The following CLIP1 variants were observed in gnomAD, a reference collection of about 807,000 sequenced individuals.
CLIP1 encodes the protein CAP-Gly domain-containing linker protein 1.
Under a neutral mutation model 161.6 loss-of-function variants are expected in CLIP1, and 66 were observed. The ratio of observed to expected loss-of-function variants is 0.41; its 90% CI spans 0.33 to 0.50. The LOEUF is 0.50. Ranked by LOEUF, CLIP1 falls within the 20% of genes least tolerant of loss-of-function variation. CLIP1 has a pLI of 0.27. For missense variants in CLIP1, 1,376 were observed against 1,702.0 expected, an observed-to-expected ratio of 0.81 and a Z score of 3.37; for synonymous variants, 598 against 626.2, an observed-to-expected ratio of 0.96 and a Z score of 0.67.
In CLIP1 at chr12:122,311,306, C is replaced by G. The variant is rs1951053966; in HGVS notation, c.3474-1424G>C. ...CCTGTCAAAGTGCTACGCTTATACT[C>G]CTGTTCCTTCTCTCTCAAGCCCACA... On this transcript the variant is annotated intron_variant, in intron 19 of 25. Transcript: ENST00000620786. The surrounding 1 kb of genome is among the most constrained non-coding windows in gnomAD (Gnocchi z 4.3). 6.6e-6 allele frequency among the ~76,000 whole-genome samples: 1 copy of G among 152,100 alleles called. No individual in the cohort carries two copies. Among genetic ancestry groups the G allele is most frequent in the African/African-American group, 2.4e-5 (1 of 41,400 alleles).
intron 20 of CLIP1, among the ~76,000 whole-genome samples, chr12:122,304,154 A>C (rs1950785331): frequency 6.6e-6 from 1 of 152,126 alleles, no homozygotes; most frequent in African/African-American, 2.4e-5. Context: ...GCAAAGGGGC[A>C]TTGAGCCTCA....
intron 18 of CLIP1, among the ~76,000 whole-genome samples, chr12:122,317,630 C>T (rs1004895844): frequency 2.0e-5 from 3 of 152,192 alleles, no homozygotes; most frequent in Non-Finnish European, 4.4e-5. Flanking sequence ...CTCAAGGTGG[C>T]TCCTGGGGCC....
rs1955192463 is a variant in CLIP1, at chr12:122,271,738, T to TA, written c.*1136dup. ...AGATAAATAGATTCAAACTGGTCGA[T>TA]AAACTGTTCAGGTGCTTTGAGGTCC... On this transcript the variant is annotated 3_prime_UTR_variant, in exon 26 of 26. Transcript: ENST00000620786. 6.6e-6 allele frequency: 1 copy of TA among 152,666 alleles called. No individual in the cohort carries two copies. The highest frequency in any genetic ancestry group is 1.5e-5 in the Non-Finnish European group (1 of 68,050). 9.5% of individuals were successfully genotyped at this position (152,666 alleles called of 1,614,324 possible).
intron 15 of CLIP1, among the ~76,000 whole-genome samples, chr12:122,330,617 T>TTTTTTTTTTTTTTTTTTG (rs1951911217): frequency 6.8e-6 from 1 of 147,750 alleles, no homozygotes; most frequent in African/African-American, 2.5e-5. Flanking sequence ...TTTTTTTTTT[T>TTTTTTTTTTTTTTTTTTG]GAGATGGAGT....
At chr12:122,407,721 A>C (rs1215466857) in intron 1 of CLIP1, among the ~76,000 whole-genome samples, 6 of 110,156 alleles carry the variant, frequency 5.4e-5, no homozygotes, top group Non-Finnish European at 1.0e-4. Context: ...ACGTGCTACA[A>C]GGAGGGTTTT....
intron 1 of CLIP1, among the ~76,000 whole-genome samples, chr12:122,384,803 TTTC>T (rs1955172702): frequency 6.7e-6 from 1 of 150,368 alleles, no homozygotes; most frequent in Non-Finnish European, 1.5e-5. Flanking sequence ...TTCTCTCCAG[TTTC>T]TTTTTTTTTT....
intron 3 of CLIP1, among the ~76,000 whole-genome samples, chr12:122,376,674 A>G (rs1055297984): frequency 1.2e-4 from 18 of 151,556 alleles, no homozygotes; most frequent in Non-Finnish European, 2.7e-4. Context: ...GTTTCACCGC[A>G]TTAGCCAGGA....
In CLIP1 at chr12:122,380,425, T is replaced by G; in HGVS notation, c.28A>C (p.Lys10Gln). The change falls in exon 2 of 26, where the codon AAG becomes CAG. Residue 10 changes from lysine (K) to glutamine (Q), a missense_variant. Physicochemically the swap from Lys to Gln is moderately conservative, Grantham distance 53 (BLOSUM62 1). Around this residue, in one of 6 missense-constraint regions of CLIP1, gnomAD observed 66 missense variants for 67.8 expected, o/e 0.97. Transcript: ENST00000620786. ...GGCTTCAGGATCTTGGTGGGGGCCTTAAGCCCACTTGGCTTTAGCATACTC... is the reference window on the plus strand; with the variant it reads ...GGCTTCAGGATCTTGGTGGGGGCCTGAAGCCCACTTGGCTTTAGCATACTC... The part of the protein sequence containing the change: MSMLKPSGL[K>Q]APTKILKPGS... 6.2e-7 allele frequency: 1 copy of G among 1,613,432 alleles called. No individual in the cohort carries two copies. The highest frequency in any genetic ancestry group is 8.5e-7 in the Non-Finnish European group (1 of 1,179,572).
chr12:122,331,553 G>C (rs1310696548), intron 15 of CLIP1, among the ~76,000 whole-genome samples: 2 of 151,932 alleles, frequency 1.3e-5, no homozygotes, highest in East Asian at 3.9e-4. Context: ...GACCTCAGGC[G>C]ATCTGCCCGC....
intron 20 of CLIP1, among the ~76,000 whole-genome samples, chr12:122,304,646 C>T (rs1486553407): frequency 1.3e-5 from 2 of 152,224 alleles, no homozygotes; most frequent in East Asian, 1.9e-4. Flanking sequence ...CAGGCGTGAG[C>T]CTCCACGTCC....
intron 20 of CLIP1, among the ~76,000 whole-genome samples, chr12:122,289,753 C>T (rs1019769525): frequency 4.1e-4 from 62 of 151,148 alleles, no homozygotes; most frequent in African/African-American, 1.4e-3. Context: ...TACCTCCAAC[C>T]TGCACTACCC....
At chr12:122,405,810 C>T (rs554094278) in intron 1 of CLIP1, among the ~76,000 whole-genome samples, 29 of 134,524 alleles carry the variant, frequency 2.2e-4, no homozygotes, top group Non-Finnish European at 3.5e-4. Flanking sequence ...TGCTCACGGC[C>T]GTAATCCCAG....
chr12:122,321,749 A>T lies in CLIP1; in HGVS notation c.3250-2401T>A, dbSNP rs1190504805. On this transcript the variant is annotated intron_variant, in intron 17 of 25. Transcript: ENST00000620786. ...GCCCAGGCTGGTCTCGAACTCCTAG[A>T]CTGAAGCCATCTGTCCACCTCAGCC... Among the ~76,000 whole-genome samples, 3 of 152,034 alleles carry T rather than the reference A, an allele frequency of 2.0e-5. No homozygotes were observed. The East Asian group carries it at 5.8e-4, about 29-fold the overall frequency.
chr12:122,355,374 G>T lies in CLIP1; in HGVS notation c.1006-62C>A. The T allele has an allele frequency of 6.9e-7, 1 of 1,456,072 alleles. No individual in the cohort carries two copies. The highest frequency in any genetic ancestry group is 1.2e-5 in the South Asian group (1 of 83,524). The allele number at this position is 1,456,072 out of a possible 1,614,324, so 90.2% of individuals were successfully genotyped here. On this transcript the variant is annotated intron_variant, in intron 5 of 25. Coordinates refer to ENST00000620786, the MANE Select transcript of CLIP1 (RefSeq NM_001247997.2). The surrounding 1 kb of genome is among the most constrained non-coding windows in gnomAD (Gnocchi z 4.1). ...GCTGTCAGAAAAGCGAGGGAGGCGC[G>T]ATGCATGCATGGCGGGCATCTGCTC...
chr12:122,329,692 TC>T (rs140983011), intron 15 of CLIP1, among the ~76,000 whole-genome samples: 7,673 of 151,944 alleles, frequency 0.05, 502 homozygotes, highest in African/African-American at 0.15. Flanking sequence ...AATGAATGTT[TC>T]AAAATTTTAG....
intron 25 of CLIP1, among the ~76,000 whole-genome samples, chr12:122,273,733 T>A (rs1016662757): frequency 3.9e-5 from 6 of 152,008 alleles, no homozygotes; most frequent in Non-Finnish European, 8.8e-5. Flanking sequence ...AAGGTTCCAA[T>A]CAGTATGGTT....
chr12:122,318,198 C>T (rs1300863487), intron 18 of CLIP1, among the ~76,000 whole-genome samples: 1 of 152,148 alleles, frequency 6.6e-6, no homozygotes, highest in Non-Finnish European at 1.5e-5. Context: ...CCACTGCCTC[C>T]CCCTTGCTTT....
chr12:122,341,162 T>C lies in CLIP1; in HGVS notation c.2042A>G (p.Gln681Arg). 6.2e-7 allele frequency: 1 copy of C among 1,614,196 alleles called. No homozygotes were observed. Among genetic ancestry groups the C allele is most frequent in the South Asian group, 1.1e-5 (1 of 91,084 alleles). The change falls in exon 11 of 26, where the codon CAA (glutamine) becomes CGA (arginine). Residue 681 changes from glutamine to arginine, a missense_variant. Coordinates refer to ENST00000620786, the MANE Select transcript of CLIP1 (RefSeq NM_001247997.2). ...AGCATGGGCAGCCCGTTCAGAGTCT[T>C]GTTGATTCTGCAAATTTTCTATTTC... ...QHEIENLQNQ[Q>R]DSERAAHAKE...
intron 20 of CLIP1, among the ~76,000 whole-genome samples, chr12:122,299,612 C>CAAAAAAAAAAAGAAAAAA (rs1950601833): frequency 1.6e-5 from 1 of 62,500 alleles, no homozygotes; most frequent in African/African-American, 7.0e-5. Flanking sequence ...ATAAATTCAG[C>CAAAAAAAAAAAGAAAAAA]AAAAAAAAAA....
Sources: gnomAD v4.1 joint callset for allele counts (sites outside exome capture counted in the v4.1 genomes callset) on GRCh38, gnomAD v4.1.1 for gene constraint, gnomAD v4.1.1 regional missense constraint, Gnocchi (gnomAD v3.1) non-coding constraint, MANE v1.5 for transcripts, NCBI Gene and HGNC (gene_info 2026-07-23, HGNC 2026-07-21) for gene names.